Variants in NRG1 observed in about 807,000 individuals in gnomAD.
NRG1 encodes neuregulin 1.
A neutral mutation model predicts 63.8 loss-of-function variants in NRG1; 18 were observed. That is an observed-to-expected ratio of 0.28 (90% CI 0.19 to 0.42). The LOEUF (loss-of-function observed/expected upper bound fraction) is 0.42. Among genes scored for constraint, NRG1 ranks in the 10% least tolerant of loss-of-function variants. The pLI, the probability that NRG1 is intolerant of heterozygous loss-of-function variation, is 1.00. For missense variants in NRG1, 762 were observed against 814.7 expected (o/e 0.94, Z 0.79); for synonymous variants, 302 against 301.3 (o/e 1.00, Z -0.02).
At chr8:31,796,952 G>A (rs557949386) in intron 1 of NRG1, among the ~76,000 whole-genome samples, 2 of 152,084 alleles carry the variant, frequency 1.3e-5, no homozygotes, top group East Asian at 3.9e-4. Flanking sequence ...GATTATATAG[G>A]GTCAGTATAG....
chr8:32,570,240 C>T (rs575501734), intron 1 of NRG1, among the ~76,000 whole-genome samples: 1 of 152,242 alleles, frequency 6.6e-6, no homozygotes, highest in East Asian at 1.9e-4. Context: ...TTCTATATAA[C>T]ATGCATGTTC....
chr8:31,772,159 C>T (rs915884914), intron 1 of NRG1, among the ~76,000 whole-genome samples: 3 of 152,148 alleles, frequency 2.0e-5, no homozygotes, highest in Non-Finnish European at 4.4e-5. Flanking sequence ...TTCTCTTCCA[C>T]ATTGGGAAAA....
chr8:32,236,998 A>T (rs1033359936), intron 1 of NRG1, among the ~76,000 whole-genome samples: 10 of 152,176 alleles, frequency 6.6e-5, no homozygotes, highest in African/African-American at 2.4e-4. Context: ...GGAATGATAA[A>T]ACTTCAATAA....
intron 5 of NRG1, among the ~76,000 whole-genome samples, chr8:32,634,227 TAAC>T (rs1384991854): frequency 6.6e-6 from 1 of 151,676 alleles, no homozygotes; most frequent in African/African-American, 2.4e-5. Flanking sequence ...GAGGAAACAG[TAAC>T]TACTGACCTG....
chr8:31,729,229 TAAAC>T lies in NRG1; in HGVS notation c.37+89802_37+89805del, dbSNP rs538978948. Among the ~76,000 whole-genome samples, 890 of 99,854 alleles carry T rather than the reference TAAAC, an allele frequency of 8.9e-3. 3 individuals carry two copies. Among genetic ancestry groups the T allele is most frequent in the South Asian group, 0.029 (94 of 3,188 alleles). 65.5% of individuals were successfully genotyped at this position (99,854 alleles called of 152,430 possible). A position where few individuals can be genotyped will look rare whatever the true frequency, so the allele number is the denominator to read the frequency against. ...GACTTGGAGGTGGGATTTAAACAAA[TAAAC>T]AAAGTTTTTTTTTTTTTTCCTTTTT... On this transcript the variant is annotated intron_variant, in intron 1 of 10. Transcript: ENST00000519301.
chr8:32,029,140 A>G (rs1195980115), intron 1 of NRG1, among the ~76,000 whole-genome samples: 2 of 152,196 alleles, frequency 1.3e-5, no homozygotes, highest in Non-Finnish European at 2.9e-5. Context: ...AAAACAAAGT[A>G]TTATTTGCGT....
intron 1 of NRG1, among the ~76,000 whole-genome samples, chr8:32,473,847 C>A (rs553656687): frequency 2.2e-4 from 33 of 152,218 alleles, no homozygotes; most frequent in Admixed American, 5.2e-4. Context: ...TCAGGCCCAA[C>A]TACATTTTTA....
chr8:32,500,222 A>T (rs1406619120), intron 1 of NRG1, among the ~76,000 whole-genome samples: 1 of 152,112 alleles, frequency 6.6e-6, no homozygotes, highest in East Asian at 1.9e-4. Context: ...TTTAATAAGG[A>T]CTCTCAGAAT....
intron 7 of NRG1, among the ~76,000 whole-genome samples, chr8:32,753,332 C>T (rs185457177): frequency 2.0e-5 from 3 of 152,254 alleles, no homozygotes; most frequent in Middle Eastern, 6.8e-3. Flanking sequence ...ACCTGACCTA[C>T]CTTAGTATAA....
chr8:32,189,225 T>TG (rs1314802538), intron 1 of NRG1, among the ~76,000 whole-genome samples: 1 of 152,200 alleles, frequency 6.6e-6, no homozygotes, highest in African/African-American at 2.4e-5. Flanking sequence ...TTCCTGCTTT[T>TG]GCCCCCTTCC....
intron 1 of NRG1, among the ~76,000 whole-genome samples, chr8:32,380,614 C>CTCAG (rs1418827095): frequency 1.3e-5 from 2 of 152,154 alleles, no homozygotes; most frequent in African/African-American, 4.8e-5. Flanking sequence ...GCTTCTACAT[C>CTCAG]TCAGTAAACA....
intron 1 of NRG1, among the ~76,000 whole-genome samples, chr8:31,924,617 C>T (rs1432531835): frequency 1.2e-4 from 3 of 24,120 alleles, no homozygotes; most frequent in African/African-American, 4.1e-4. Context: ...TAAATTTGTG[C>T]CTTTTTTTTT....
At chr8:31,958,768 A>G (rs1804911973) in intron 1 of NRG1, among the ~76,000 whole-genome samples, 1 of 152,212 alleles carries the variant, frequency 6.6e-6, no homozygotes, top group Non-Finnish European at 1.5e-5. Context: ...AGTTTTTCCT[A>G]TGTGTGTACC....
intron 1 of NRG1, among the ~76,000 whole-genome samples, chr8:32,071,437 T>A (rs540728229): frequency 1.3e-5 from 2 of 152,322 alleles, no homozygotes; most frequent in African/African-American, 4.8e-5. Context: ...AAAGACTGTT[T>A]CTAAAGATTT....
chr8:32,077,984 C>T (rs1314403027), intron 1 of NRG1, among the ~76,000 whole-genome samples: 2 of 152,174 alleles, frequency 1.3e-5, no homozygotes, highest in Non-Finnish European at 2.9e-5. Flanking sequence ...AGTAGGTCCA[C>T]TCCACAAATA....
At chr8:32,388,074 G>T (rs1343283727) in intron 1 of NRG1, among the ~76,000 whole-genome samples, 1 of 152,198 alleles carries the variant, frequency 6.6e-6, no homozygotes, top group East Asian at 1.9e-4. Flanking sequence ...AACATGAAAT[G>T]AAATTTCCAA....
intron 1 of NRG1, among the ~76,000 whole-genome samples, chr8:31,849,040 C>G (rs1826959437): frequency 1.3e-5 from 2 of 152,292 alleles, no homozygotes; most frequent in South Asian, 4.1e-4. Flanking sequence ...GAGGCATAGT[C>G]TTAGAGTGTA....
intron 1 of NRG1, among the ~76,000 whole-genome samples, chr8:31,681,640 A>G (rs946963801): frequency 5.3e-5 from 8 of 151,014 alleles, no homozygotes; most frequent in South Asian, 2.1e-4. Context: ...AATCCCATCA[A>G]TTCCATTCCA....
At chr8:32,350,955 G>C (rs2129479691) in intron 1 of NRG1, among the ~76,000 whole-genome samples, 1 of 152,234 alleles carries the variant, frequency 6.6e-6, no homozygotes, top group Non-Finnish European at 1.5e-5. Context: ...TCTAATCAGT[G>C]CTGTTTGTAT....
Sources: gnomAD v4.1 joint callset for allele counts (sites outside exome capture counted in the v4.1 genomes callset) on GRCh38, gnomAD v4.1.1 for gene constraint, MANE v1.5 for transcripts, NCBI Gene and HGNC (gene_info 2026-07-23, HGNC 2026-07-21) for gene names.